HLCS: variants seen among roughly 807,000 people sequenced by gnomAD.
HLCS encodes the protein holocarboxylase synthetase.
HLCS carries 53 observed loss-of-function variants against 75.0 expected under a neutral mutation model. That is an observed-to-expected ratio of 0.71 (90% CI 0.57 to 0.89). The LOEUF (loss-of-function observed/expected upper bound fraction) is 0.89, where lower values mean the gene tolerates loss of function less well. HLCS is among the 40% of genes least tolerant of loss of function. HLCS has a pLI of 0.00. For synonymous variants in HLCS, 431 were observed against 428.6 expected, an observed-to-expected ratio of 1.01 and a Z score of -0.07; for missense variants, 966 against 1,074.0, an observed-to-expected ratio of 0.90 and a Z score of 1.41.
In HLCS at chr21:36,815,596, G is replaced by A. The variant is rs186708751; in HGVS notation, c.1893-48311C>T. 4.1e-3 allele frequency among the ~76,000 whole-genome samples: 617 copies of A among 152,304 alleles called. 6 individuals carry two copies. Among genetic ancestry groups the A allele is most frequent in the African/African-American group, 0.013 (560 of 41,570 alleles). ...TGCCTTGTCACATTTGGACAAATGAGTAAAGACGGGGGATAGGTTGTGTAG... is the reference window on the plus strand; with the variant it reads ...TGCCTTGTCACATTTGGACAAATGAATAAAGACGGGGGATAGGTTGTGTAG... On this transcript the variant is annotated intron_variant, in intron 6 of 10. Coordinates refer to ENST00000674895, the MANE Select transcript of HLCS (RefSeq NM_001352514.2).
chr21:36,765,438 G>C (rs766720033), intron 7 of HLCS, among the ~76,000 whole-genome samples: 1 of 152,132 alleles, frequency 6.6e-6, no homozygotes, highest in Non-Finnish European at 1.5e-5. Flanking sequence ...GTCTTACAGC[G>C]TCTGAACATG....
At chr21:36,773,882 A>G (rs2060279485) in intron 6 of HLCS, among the ~76,000 whole-genome samples, 1 of 152,230 alleles carries the variant, frequency 6.6e-6, no homozygotes, top group Non-Finnish European at 1.5e-5. Flanking sequence ...TTTAACACAT[A>G]TTACATTGTA....
intron 6 of HLCS, among the ~76,000 whole-genome samples, chr21:36,876,310 C>A (rs1330928419): frequency 6.6e-6 from 1 of 152,166 alleles, no homozygotes; most frequent in East Asian, 1.9e-4. Context: ...CTCTAAGGAT[C>A]CTGTGACATT....
intron 8 of HLCS, among the ~76,000 whole-genome samples, chr21:36,762,924 C>G (rs963827321): frequency 6.6e-6 from 1 of 152,244 alleles, no homozygotes; most frequent in African/African-American, 2.4e-5. Context: ...AAAAGCTAAA[C>G]AGACCAAACA....
chr21:36,828,238 G>A (rs2062077740), intron 6 of HLCS, among the ~76,000 whole-genome samples: 1 of 152,088 alleles, frequency 6.6e-6, no homozygotes, highest in African/African-American at 2.4e-5. Context: ...ATAACAGCAG[G>A]GAACCAGTAT....
chr21:36,896,124 A>C (rs1396088524), intron 6 of HLCS, among the ~76,000 whole-genome samples: 3 of 152,208 alleles, frequency 2.0e-5, no homozygotes, highest in Non-Finnish European at 4.4e-5. Context: ...CTGACTCAGA[A>C]GGATCACTTG....
chr21:36,967,418 T>C (rs149185309), upstream of HLCS, among the ~76,000 whole-genome samples: 3 of 152,336 alleles, frequency 2.0e-5, no homozygotes, highest in Non-Finnish European at 4.4e-5. Flanking sequence ...TATGGTGTTC[T>C]TGCTACATGT....
chr21:36,936,252 C>T lies in HLCS; in HGVS notation c.1437+197G>A, dbSNP rs2835539. 0.6 allele frequency among the ~76,000 whole-genome samples: 91,841 copies of T among 151,948 alleles called. 28,177 individuals are homozygous for T. The highest frequency in any genetic ancestry group is 0.76 in the East Asian group (3,909 of 5,152). On this transcript the variant is annotated intron_variant, in intron 4 of 10. Transcript: ENST00000674895. ...CCTCCCTCACAAGTCTTTTGGTTAA[C>T]CAGGGTATTCAAGAAAGCCCTGAAC... is the stretch of plus-strand genomic sequence containing the variant.
chr21:36,856,280 G>C (rs1320114964), intron 6 of HLCS, among the ~76,000 whole-genome samples: 1 of 152,160 alleles, frequency 6.6e-6, no homozygotes, highest in Non-Finnish European at 1.5e-5. Flanking sequence ...AAATTTGGTT[G>C]AAAAGCGCTA....
rs545737127 is a variant in HLCS, at chr21:36,886,330, G to T, written c.1892+10530C>A. Reference sequence around the variant, plus strand: ...TGTCTGTAGTCTCAGCTACTTGGGAGGCTGAGGCAGAAGAATGGCGTGAAC... The same window carrying T: ...TGTCTGTAGTCTCAGCTACTTGGGATGCTGAGGCAGAAGAATGGCGTGAAC... On this transcript the variant is annotated intron_variant, in intron 6 of 10. Coordinates refer to ENST00000674895, the MANE Select transcript of HLCS (RefSeq NM_001352514.2). 3.3e-5 allele frequency among the ~76,000 whole-genome samples: 5 copies of T among 151,376 alleles called. No individual in the cohort carries two copies. The South Asian group carries it at 8.3e-4, about 25-fold the overall frequency.
intron 6 of HLCS, among the ~76,000 whole-genome samples, chr21:36,839,713 T>C (rs930939305): frequency 2.9e-5 from 4 of 136,674 alleles, no homozygotes; most frequent in African/African-American, 5.6e-5. Flanking sequence ...ACTGGCAATA[T>C]CCTACACACA....
intron 6 of HLCS, among the ~76,000 whole-genome samples, chr21:36,847,300 A>T (rs2062830330): frequency 6.6e-6 from 1 of 152,214 alleles, no homozygotes; most frequent in East Asian, 1.9e-4. Flanking sequence ...ATTTGGTATA[A>T]ACACTGATCA....
At chr21:36,774,248 A>G (rs2060291759) in intron 6 of HLCS, among the ~76,000 whole-genome samples, 1 of 152,092 alleles carries the variant, frequency 6.6e-6, no homozygotes, top group African/African-American at 2.4e-5. Flanking sequence ...CTAGCCAGGG[A>G]CCCTGGGGAT....
intron 1 of HLCS, among the ~76,000 whole-genome samples, chr21:36,975,709 G>A (rs1191505413): frequency 6.6e-6 from 1 of 152,092 alleles, no homozygotes; most frequent in African/African-American, 2.4e-5. Flanking sequence ...GGAGTTCCAG[G>A]ATGTAGTGAT....
intron 5 of HLCS, among the ~76,000 whole-genome samples, chr21:36,914,739 C>T (rs115370255): frequency 0.033 from 5,038 of 152,282 alleles, 287 homozygotes; most frequent in African/African-American, 0.11. Context: ...ACGGCGAGGG[C>T]GGCTCTATGG....
At chr21:36,965,816 C>G (rs2068539094) in intron 1 of HLCS, among the ~76,000 whole-genome samples, 1 of 151,156 alleles carries the variant, frequency 6.6e-6, no homozygotes, top group South Asian at 2.1e-4. Flanking sequence ...ACTGTAGCTT[C>G]AAACTCCGGG....
Position 36,767,300 on chromosome 21 carries a change from GA to G in HLCS, c.1893-16del. Reference sequence around the variant, plus strand: ...GAAACATCAGCCTGCCGAAGAGGGGGAAAGACCGGTTAGGCCAGACATGGAC... The same window carrying G: ...GAAACATCAGCCTGCCGAAGAGGGGGAAGACCGGTTAGGCCAGACATGGAC... On this transcript the variant is annotated splice_polypyrimidine_tract_variant and intron_variant, in intron 6 of 10. Transcript: ENST00000674895. The G allele has an allele frequency of 6.2e-7, 1 of 1,613,888 alleles. No homozygotes were observed. Among genetic ancestry groups the G allele is most frequent in the Non-Finnish European group, 8.5e-7 (1 of 1,179,796 alleles).
At chr21:36,793,324 C>T (rs1488761988) in intron 6 of HLCS, among the ~76,000 whole-genome samples, 2 of 98,022 alleles carry the variant, frequency 2.0e-5, no homozygotes, top group Non-Finnish European at 4.7e-5. Flanking sequence ...GAGATAGAGT[C>T]TCGCTCTGTT....
At chr21:36,812,197 T>C (rs1165781563) in intron 6 of HLCS, among the ~76,000 whole-genome samples, 1 of 152,094 alleles carries the variant, frequency 6.6e-6, no homozygotes, top group African/African-American at 2.4e-5. Context: ...CTACTGAGGT[T>C]TTGCGGAATC....
Sources: gnomAD v4.1 joint callset for allele counts (sites outside exome capture counted in the v4.1 genomes callset) on GRCh38, gnomAD v4.1.1 for gene constraint, MANE v1.5 for transcripts, NCBI Gene and HGNC (gene_info 2026-07-23, HGNC 2026-07-21) for gene names.